Variants in TBC1D8 observed in about 807,000 individuals in gnomAD.
TBC1D8 encodes the protein TBC1 domain family member 8, also known as BUB2-like protein 1.
Under a neutral mutation model 118.8 loss-of-function variants are expected in TBC1D8, and 65 were observed. The ratio of observed to expected loss-of-function variants is 0.55; its 90% CI spans 0.45 to 0.67. The LOEUF (loss-of-function observed/expected upper bound fraction) is 0.67. Ranked by LOEUF, TBC1D8 falls within the 30% of genes least tolerant of loss-of-function variation. The pLI is 0.00. For missense variants in TBC1D8, 1,376 were observed against 1,471.2 expected, an observed-to-expected ratio of 0.94 and a Z score of 1.06; for synonymous variants, 566 against 595.8, an observed-to-expected ratio of 0.95 and a Z score of 0.73.
rs969010699 is a variant in TBC1D8, at chr2:101,036,313, G to A, written c.1453-145C>T. The A allele has an allele frequency of 1.4e-4, 127 of 900,624 alleles. No homozygotes were observed. In the African/African-American group the frequency reaches 1.4e-3, roughly 10 times the overall value. 55.8% of individuals were successfully genotyped at this position (900,624 alleles called of 1,614,324 possible). A position where few individuals can be genotyped will look rare whatever the true frequency, so the allele number is the denominator to read the frequency against. ...GGGCAAGGACACCTGTATTCAAGCC[G>A]CAAATATTTCTGAACCTTTACTGGG... On this transcript the variant is annotated intron_variant, in intron 8 of 19. Transcript: ENST00000409318.
At chr2:101,015,851 G>C (rs1208137617) in intron 17 of TBC1D8, among the ~76,000 whole-genome samples, 1 of 152,028 alleles carries the variant, frequency 6.6e-6, no homozygotes, top group Non-Finnish European at 1.5e-5. Flanking sequence ...AAATGGTGTT[G>C]GGAAAACTGG....
chr2:101,039,572 C>G (rs987957702), intron 6 of TBC1D8, among the ~76,000 whole-genome samples: 5 of 152,194 alleles, frequency 3.3e-5, no homozygotes, highest in Non-Finnish European at 7.3e-5. Context: ...GGTACCATCT[C>G]ACCAGAATTG....
chr2:101,151,171 A>T lies in TBC1D8; in HGVS notation c.83T>A (p.Leu28Gln). ...CTCGCCGTGCCCGCGGCGCCGCTGCAGGATGAAGTAGCAGCTGCTCTTCTG... is the reference window on the plus strand; with the variant it reads ...CTCGCCGTGCCCGCGGCGCCGCTGCTGGATGAAGTAGCAGCTGCTCTTCTG... ...VTQKSSCYFILQRRRGHGEGG... is the reference protein window; with the variant it reads ...VTQKSSCYFIQQRRRGHGEGG... The change falls in exon 1 of 20, where the codon CTG becomes CAG. Residue 28 changes from leucine (L) to glutamine (Q), a missense_variant. Leu to Gln is a moderately radical substitution (Grantham distance 113, BLOSUM62 -2). Coordinates refer to ENST00000409318, the MANE Select transcript of TBC1D8 (RefSeq NM_001330348.2). The T allele has an allele frequency of 8.1e-7, 1 of 1,230,238 alleles. No homozygotes were observed. The highest frequency in any genetic ancestry group is 1.0e-6 in the Non-Finnish European group (1 of 959,812). The allele number at this position is 1,230,238 out of a possible 1,614,324, so 76.2% of individuals were successfully genotyped here.
At chr2:101,077,217 G>T (rs1196139142) in intron 2 of TBC1D8, among the ~76,000 whole-genome samples, 1 of 148,794 alleles carries the variant, frequency 6.7e-6, no homozygotes, top group Admixed American at 6.7e-5. Flanking sequence ...TAGAGACGGG[G>T]TTTCACTGTG....
At chr2:101,031,086 C>T (rs1244096875) in intron 11 of TBC1D8, among the ~76,000 whole-genome samples, 1 of 152,240 alleles carries the variant, frequency 6.6e-6, no homozygotes, top group East Asian at 1.9e-4. Flanking sequence ...CACAGAAGGT[C>T]TAGCTGGCAC....
intron 18 of TBC1D8, 123 bp downstream of exon 18, chr2:101,011,328 G>C: frequency 9.6e-7 from 1 of 1,038,838 alleles, no homozygotes; most frequent in Admixed American, 2.0e-5. Context: ...TGAGTTTGGG[G>C]ATAATTCATT....
At chr2:101,048,456 A>AC (rs1681847834) in intron 5 of TBC1D8, among the ~76,000 whole-genome samples, 3 of 152,116 alleles carry the variant, frequency 2.0e-5, no homozygotes, top group Admixed American at 2.0e-4. Flanking sequence ...GCACCCCCTC[A>AC]CCCTCCATCT....
rs777133429 is a variant in TBC1D8, at chr2:101,028,110, G to A, written c.2389C>T (p.Leu797=). 1.3e-5 allele frequency: 21 copies of A among 1,613,802 alleles called. No homozygotes were observed. The highest frequency in any genetic ancestry group is 1.7e-5 in the Non-Finnish European group (20 of 1,179,902). Residue 797 remains leucine (L), a synonymous_variant, in exon 14 of 20, where the codon CTA becomes TTA. Transcript: ENST00000409318. ...ACCCTGATCCTGTGCTTGTAACGTA[G>A]GTGCTCGATCTGCTCCACAGACTGG... is the stretch of plus-strand genomic sequence containing the variant. ...GDQSVEQIEH[L]RYKHRIRVLQ... is the part of the protein sequence containing the mutation.
chr2:101,089,142 G>C lies in TBC1D8; in HGVS notation c.283+1067C>G, dbSNP rs112210398. Among the ~76,000 whole-genome samples, 509 of 152,216 alleles carry C rather than the reference G, an allele frequency of 3.3e-3. 4 individuals are homozygous for C. The highest frequency in any genetic ancestry group is 0.012 in the African/African-American group (479 of 41,532). Reference sequence around the variant, plus strand: ...AGGCAGGCTGATCACTGAAGGCCAGGAGTTCAAGACCACCACCCTGGCCAA... The same window carrying C: ...AGGCAGGCTGATCACTGAAGGCCAGCAGTTCAAGACCACCACCCTGGCCAA... On this transcript the variant is annotated intron_variant, in intron 2 of 19. Coordinates refer to ENST00000409318, the MANE Select transcript of TBC1D8 (RefSeq NM_001330348.2).
At chr2:101,018,077 T>TA (rs1679784588) in intron 17 of TBC1D8, 1 of 738,120 alleles carries the variant, frequency 1.4e-6, no homozygotes, top group Non-Finnish European at 2.2e-6. Flanking sequence ...TCTAGGCTAA[T>TA]GGGACTAGAT....
chr2:101,090,538 G>C (rs1675970092), intron 1 of TBC1D8, among the ~76,000 whole-genome samples, 174 bp from the exon 2 acceptor site: 2 of 152,228 alleles, frequency 1.3e-5, no homozygotes, highest in Admixed American at 6.5e-5. Context: ...CAAGGGCTCT[G>C]TCTGCATCCG....
At position 101,008,157 on chromosome 2, in the gene TBC1D8, C is replaced by T. The variant is rs1401689437; in HGVS notation, c.3132G>A (p.Glu1044=). 2.5e-6 allele frequency: 4 copies of T among 1,613,848 alleles called. No individual in the cohort carries two copies. The highest frequency in any genetic ancestry group is 3.4e-6 in the Non-Finnish European group (4 of 1,179,820). Residue 1044 remains glutamate, a synonymous_variant, in exon 20 of 20, where the codon GAG becomes GAA. Coordinates refer to ENST00000409318, the MANE Select transcript of TBC1D8 (RefSeq NM_001330348.2). The part of the protein sequence containing the change: ...TVTTLLLQIG[E]VGQRGSSSGS... ...CAGAGCTGCTGCCTCGCTGCCCCAC[C>T]TCCCCGATCTGCAGCAGCAGTGTGG... is the stretch of plus-strand genomic sequence containing the variant.
intron 1 of TBC1D8, among the ~76,000 whole-genome samples, chr2:101,147,386 C>T (rs1679363084): frequency 6.6e-6 from 1 of 152,162 alleles, no homozygotes; most frequent in Admixed American, 6.5e-5. Flanking sequence ...TTTGAAGACC[C>T]TCCATACTGT....
In TBC1D8 at chr2:101,028,398, C is replaced by G. The variant is rs1283253402; in HGVS notation, c.2257G>C (p.Gly753Arg). 2 of 1,602,628 alleles carry G rather than the reference C, an allele frequency of 1.2e-6. No individual in the cohort carries two copies. The highest frequency in any genetic ancestry group is 1.7e-5 in the Admixed American group (1 of 58,556). ...GCATGGTGGCTGCCAACTGGGGGCC[C>G]TGGGCTGTCCTCATTCTTAATGTGA... ...LDHIKNEDSP[G>R]PPVGSHHAFF... Residue 753 changes from glycine to arginine, a missense_variant, in exon 13 of 20, where the codon GGG becomes CGG. Physicochemically the swap from Gly to Arg is moderately radical, Grantham distance 125. Coordinates refer to ENST00000409318, the MANE Select transcript of TBC1D8 (RefSeq NM_001330348.2).
chr2:101,022,681 T>C (rs936895040), intron 15 of TBC1D8, among the ~76,000 whole-genome samples, 160 bp from the exon 16 acceptor site: 1 of 152,254 alleles, frequency 6.6e-6, no homozygotes, highest in Admixed American at 6.5e-5. Context: ...CACATGAACA[T>C]GTAATTTTCA....
At chr2:101,118,531 C>T (rs974008863) in intron 1 of TBC1D8, among the ~76,000 whole-genome samples, 9 of 151,646 alleles carry the variant, frequency 5.9e-5, no homozygotes, top group African/African-American at 2.2e-4. Context: ...CCTGTCTCTA[C>T]TAAAAATACA....
rs1456644497 is a variant in TBC1D8 at position 101,068,642 on chromosome 2, T to A, written c.284-9103A>T. Reference sequence around the variant, plus strand: ...ACAAGAAATGGCAGAAAAGGAACAATGGCAAATAACCCACTGGATGATACC... The same window carrying A: ...ACAAGAAATGGCAGAAAAGGAACAAAGGCAAATAACCCACTGGATGATACC... On this transcript the variant is annotated intron_variant, in intron 2 of 19. Coordinates refer to ENST00000409318, the MANE Select transcript of TBC1D8 (RefSeq NM_001330348.2). 9.6e-6 allele frequency: 5 copies of A among 519,680 alleles called. No individual in the cohort carries two copies. In the East Asian group the frequency reaches 1.9e-4, roughly 20 times the overall value. The allele number at this position is 519,680 out of a possible 1,614,324, so 32.2% of individuals were successfully genotyped here.
intron 1 of TBC1D8, among the ~76,000 whole-genome samples, chr2:101,129,757 T>C (rs1289162313): frequency 6.6e-6 from 1 of 151,604 alleles, no homozygotes; most frequent in African/African-American, 2.4e-5. Context: ...TACAAACAAT[T>C]AGCTGGGCGT....
chr2:101,040,987 G>C (rs1681353862), intron 5 of TBC1D8, among the ~76,000 whole-genome samples: 1 of 152,222 alleles, frequency 6.6e-6, no homozygotes, highest in Non-Finnish European at 1.5e-5. Flanking sequence ...GAGTAACACT[G>C]AGAATTACCA....
Sources: gnomAD v4.1 joint callset for allele counts (sites outside exome capture counted in the v4.1 genomes callset) on GRCh38, gnomAD v4.1.1 for gene constraint, MANE v1.5 for transcripts, NCBI Gene and HGNC (gene_info 2026-07-23, HGNC 2026-07-21) for gene names.